Variants in CRYBG1 observed in about 807,000 individuals in gnomAD.
CRYBG1 encodes crystallin beta-gamma domain containing 1, also known as beta/gamma crystallin domain-containing protein 1.
In CRYBG1, 139 loss-of-function variants were observed where a neutral mutation model predicts 189.2. The ratio of observed to expected loss-of-function variants is 0.73; its 90% CI spans 0.64 to 0.85. The LOEUF is 0.85. Ranked by LOEUF, CRYBG1 falls within the 40% of genes least tolerant of loss-of-function variation. The pLI, the probability that CRYBG1 is intolerant of heterozygous loss-of-function variation, is 0.00. For synonymous variants in CRYBG1, 1,023 were observed against 1,017.1 expected (o/e 1.01, Z -0.11); for missense variants, 2,611 against 2,675.8 (o/e 0.98, Z 0.53).
chr6:106,512,856 C>T lies in CRYBG1; in HGVS notation c.1739C>T (p.Pro580Leu), dbSNP rs764164042. 1.2e-5 allele frequency: 19 copies of T among 1,586,940 alleles called. No individual in the cohort carries two copies. Among genetic ancestry groups the T allele is most frequent in the African/African-American group, 5.4e-5 (4 of 74,322 alleles). Reference sequence around the variant, plus strand: ...CCGGTCAAGAGCAGCTCGCTGCTGCCGGAGATCAAGCCCGAGCACAAGAGG... The same window carrying T: ...CCGGTCAAGAGCAGCTCGCTGCTGCTGGAGATCAAGCCCGAGCACAAGAGG... ...ELPVKSSSLLPEIKPEHKRGP... is the reference protein window; with the variant it reads ...ELPVKSSSLLLEIKPEHKRGP... The change falls in exon 3 of 22, where the codon CCG (proline) becomes CTG (leucine). Residue 580 changes from proline (P) to leucine (L), a missense_variant. Pro to Leu is a moderately conservative substitution (Grantham distance 98, BLOSUM62 -3). Around this residue, in one of 3 missense-constraint regions of CRYBG1, gnomAD observed 985 missense variants for 924.4 expected, o/e 1.07. Transcript: ENST00000633556.
At chr6:106,546,543 A>C (rs561328060) in intron 13 of CRYBG1, among the ~76,000 whole-genome samples, 1 of 152,110 alleles carries the variant, frequency 6.6e-6, no homozygotes, top group Non-Finnish European at 1.5e-5. Flanking sequence ...TAAATAGAGT[A>C]AAAAAAACCT....
At chr6:106,420,517 G>C (rs1241896019) in intron 1 of CRYBG1, among the ~76,000 whole-genome samples, 7 of 152,160 alleles carry the variant, frequency 4.6e-5, no homozygotes, top group Non-Finnish European at 8.8e-5. Flanking sequence ...GTCTGTTTGG[G>C]AACAAAAACA....
intron 1 of CRYBG1, among the ~76,000 whole-genome samples, chr6:106,406,096 GTTC>G (rs1287694771): frequency 6.6e-6 from 1 of 152,154 alleles, no homozygotes; most frequent in Admixed American, 6.5e-5. Context: ...AAAGGAGCAT[GTTC>G]TAACCCAATG....
At chr6:106,500,667 A>T (rs1017428801) in intron 2 of CRYBG1, among the ~76,000 whole-genome samples, 7 of 152,156 alleles carry the variant, frequency 4.6e-5, no homozygotes, top group Non-Finnish European at 1.0e-4. Context: ...TTAGTTTGAT[A>T]CAATCCCATT....
intron 7 of CRYBG1, among the ~76,000 whole-genome samples, chr6:106,528,987 A>C: frequency 6.7e-6 from 1 of 149,874 alleles, no homozygotes; most frequent in East Asian, 1.9e-4. Context: ...TCTGTCGCCC[A>C]GGCTGGAGTG....
At chr6:106,552,831 T>C (rs1241945192) in intron 15 of CRYBG1, among the ~76,000 whole-genome samples, 1 of 152,176 alleles carries the variant, frequency 6.6e-6, no homozygotes, top group Non-Finnish European at 1.5e-5. Flanking sequence ...TTTCAAACAA[T>C]AGCATCTAGT....
intron 1 of CRYBG1, among the ~76,000 whole-genome samples, chr6:106,397,599 G>T (rs1289409912): frequency 6.6e-6 from 1 of 152,092 alleles, no homozygotes; most frequent in East Asian, 1.9e-4. Flanking sequence ...TAAAGGGCAG[G>T]GTGTGACCAA....
rs933391280 is a variant in CRYBG1 at position 106,568,807 on chromosome 6, C to T, written c.*241C>T. Reference sequence around the variant, plus strand: ...TCTTGCCTTTCATTTTTGGTAGCTGCTTAAACAGGTTGCCTAATTAGCAGC... The same window carrying T: ...TCTTGCCTTTCATTTTTGGTAGCTGTTTAAACAGGTTGCCTAATTAGCAGC... On this transcript the variant is annotated 3_prime_UTR_variant, in exon 22 of 22. Transcript: ENST00000633556. The T allele has an allele frequency of 4.7e-5, 19 of 403,942 alleles. No homozygotes were observed. Among genetic ancestry groups the T allele is most frequent in the Non-Finnish European group, 4.0e-5 (9 of 223,814 alleles). The allele number at this position is 403,942 out of a possible 1,614,324, so 25.0% of individuals were successfully genotyped here.
At chr6:106,557,681 C>T (rs891685280) in intron 17 of CRYBG1, among the ~76,000 whole-genome samples, 2 of 152,052 alleles carry the variant, frequency 1.3e-5, no homozygotes, top group Non-Finnish European at 2.9e-5. Flanking sequence ...GATCCGTCCA[C>T]CTCGGCCTCC....
intron 1 of CRYBG1, among the ~76,000 whole-genome samples, chr6:106,434,172 T>C (rs923415371): frequency 2.8e-5 from 3 of 108,584 alleles, no homozygotes; most frequent in East Asian, 6.1e-4. Flanking sequence ...GAGAGAGAGA[T>C]TGAGACAGAA....
At chr6:106,386,443 C>A (rs899468828) in intron 1 of CRYBG1, among the ~76,000 whole-genome samples, 3 of 152,160 alleles carry the variant, frequency 2.0e-5, no homozygotes, top group Admixed American at 1.3e-4. Flanking sequence ...TGACTTAAAG[C>A]CTGCCACCAG....
At chr6:106,441,426 T>C (rs1771565278) in intron 1 of CRYBG1, among the ~76,000 whole-genome samples, 1 of 152,144 alleles carries the variant, frequency 6.6e-6, no homozygotes, top group Non-Finnish European at 1.5e-5. Context: ...AGAGCTGAGG[T>C]GATAAATATC....
At chr6:106,460,933 C>T (rs1393893431) in intron 2 of CRYBG1, among the ~76,000 whole-genome samples, 2 of 152,098 alleles carry the variant, frequency 1.3e-5, no homozygotes, top group Non-Finnish European at 2.9e-5. Flanking sequence ...ATTACAGGCA[C>T]CTGCCACCAT....
At chr6:106,373,099 C>T (rs1269396249) in intron 1 of CRYBG1, among the ~76,000 whole-genome samples, 1 of 152,132 alleles carries the variant, frequency 6.6e-6, no homozygotes, top group Non-Finnish European at 1.5e-5. Flanking sequence ...GAGCTGTCTC[C>T]CTGAGCAGGG....
intron 18 of CRYBG1, 58 bp from the exon 19 acceptor site, chr6:106,560,745 A>G: frequency 6.4e-7 from 1 of 1,565,692 alleles, no homozygotes. Flanking sequence ...AAATAAATGT[A>G]ATTGGGGTCC....
intron 1 of CRYBG1, among the ~76,000 whole-genome samples, chr6:106,402,583 C>A: frequency 7.0e-6 from 1 of 142,640 alleles, no homozygotes; most frequent in Admixed American, 7.1e-5. Context: ...GCTGGGAAAA[C>A]TGGCTAGCCA....
At chr6:106,465,817 T>C (rs1772103973) in intron 2 of CRYBG1, among the ~76,000 whole-genome samples, 1 of 152,244 alleles carries the variant, frequency 6.6e-6, no homozygotes, top group African/African-American at 2.4e-5. Context: ...TATTTTTACT[T>C]AGCCAGCTTG....
At chr6:106,406,613 A>C (rs946173711) in intron 1 of CRYBG1, among the ~76,000 whole-genome samples, 1 of 152,258 alleles carries the variant, frequency 6.6e-6, no homozygotes, top group Non-Finnish European at 1.5e-5. Flanking sequence ...AAATGAAGGA[A>C]AAAATGTTAA....
At position 106,552,582 on chromosome 6, in the gene CRYBG1, C is replaced by CAA. The variant is rs58470981; in HGVS notation, c.5472+396_5472+397dup. Among the ~76,000 whole-genome samples the CAA allele has an allele frequency of 6.4e-3, 430 of 67,634 alleles. 20 individuals carry two copies. Among genetic ancestry groups the CAA allele is most frequent in the Non-Finnish European group, 8.8e-3 (326 of 37,004 alleles). The allele number at this position is 67,634 out of a possible 152,430, so 44.4% of individuals were successfully genotyped here. On this transcript the variant is annotated intron_variant, in intron 15 of 21. Transcript: ENST00000633556. Reference sequence around the variant, plus strand: ...AGCCTGAGTGACAGAGACTCTGTCTCAAAAAAAAAAAAAAAAAAAAAAAAA... The same window carrying CAA: ...AGCCTGAGTGACAGAGACTCTGTCTCAAAAAAAAAAAAAAAAAAAAAAAAAAA...
Sources: allele counts gnomAD v4.1 joint callset (sites outside exome capture counted in the v4.1 genomes callset), GRCh38; gene constraint gnomAD v4.1.1; regional missense constraint gnomAD v4.1.1; transcripts MANE v1.5; gene names NCBI Gene and HGNC (gene_info 2026-07-23, HGNC 2026-07-21).